The following IL17RE variants were observed in gnomAD, a reference collection of about 807,000 sequenced individuals.
The protein encoded by IL17RE is interleukin 17 receptor E.
A neutral mutation model predicts 70.7 loss-of-function variants in IL17RE; 47 were observed. The observed-to-expected ratio is 0.67, with a 90% CI of 0.53 to 0.85. IL17RE has a LOEUF of 0.85. IL17RE is among the 40% of genes least tolerant of loss of function. The pLI is 0.00. For synonymous variants in IL17RE, 372 were observed against 381.2 expected, an observed-to-expected ratio of 0.98 and a Z score of 0.28; for missense variants, 850 against 893.9, an observed-to-expected ratio of 0.95 and a Z score of 0.63.
chr3:9,903,453 A>G, intron 2 of IL17RE, 41 bp downstream of exon 2: 1 of 1,611,656 alleles, frequency 6.2e-7, no homozygotes, highest in Non-Finnish European at 8.5e-7. Context: ...CCCCACGCCC[A>G]CTATTTTTGC....
chr3:9,911,000 G>A lies in IL17RE; in HGVS notation c.938G>A (p.Cys313Tyr). 6.2e-7 allele frequency: 1 copy of A among 1,614,166 alleles called. No homozygotes were observed. The highest frequency in any genetic ancestry group is 1.1e-5 in the South Asian group (1 of 91,080). ...CAGAGGCACGACTGGCATACCCTTTGCAAAGACCTCCCGAATGCCACAGCT... is the reference window on the plus strand; with the variant it reads ...CAGAGGCACGACTGGCATACCCTTTACAAAGACCTCCCGAATGCCACAGCT... ...LCQRHDWHTL[C>Y]KDLPNATARE... is the part of the protein sequence containing the mutation. The change falls in exon 9 of 16, where the codon TGC becomes TAC. Residue 313 changes from cysteine (C) to tyrosine (Y), a missense_variant. Physicochemically the swap from Cys to Tyr is radical, Grantham distance 194 (BLOSUM62 -2). Coordinates refer to ENST00000383814, the MANE Select transcript of IL17RE (RefSeq NM_153480.2).
Position 9,914,699 on chromosome 3 carries a change from C to T in IL17RE, c.1369C>T (p.Leu457Phe), listed in dbSNP as rs1414339015. The T allele has an allele frequency of 1.2e-6, 2 of 1,614,162 alleles. No homozygotes were observed. The highest frequency in any genetic ancestry group is 1.7e-6 in the Non-Finnish European group (2 of 1,180,008). Residue 457 changes from leucine (L) to phenylalanine (F), a missense_variant, in exon 15 of 16, where the codon CTC becomes TTC. By Grantham distance (22) the Leu-to-Phe change is conservative. Transcript: ENST00000383814. ...CPDVSYRHLGLLILALLALLT... is the reference protein window; with the variant it reads ...CPDVSYRHLGFLILALLALLT... The stretch of plus-strand genomic sequence containing the variant: ...CTCAGTCTCTTACAGACACCTGGGG[C>T]TCTTGATCCTGGCACTGCTGGCCCT...
chr3:9,912,132 C>T (rs141461368), intron 12 of IL17RE, among the ~76,000 whole-genome samples: 346 of 152,258 alleles, frequency 2.3e-3, no homozygotes, highest in African/African-American at 6.3e-3. Flanking sequence ...CTTATAGGAG[C>T]GCAAACCCTA....
At chr3:9,903,164 G>A (rs1303218822) in intron 1 of IL17RE, 100 bp downstream of exon 1, 1 of 1,179,232 alleles carries the variant, frequency 8.5e-7, no homozygotes, top group Admixed American at 1.9e-5. Flanking sequence ...CCTGTGCTCT[G>A]GTGGCAGCTT....
Position 9,915,350 on chromosome 3 carries a change from T to TGGGCCCGTAGCTACA in IL17RE, c.1551_1552insCCGTAGCTACAGGGC (p.Gly517_Gly518insProTer), listed in dbSNP as rs763558756. The TGGGCCCGTAGCTACA allele has an allele frequency of 7.3e-7, 1 of 1,370,554 alleles. No individual in the cohort carries two copies. The highest frequency in any genetic ancestry group is 9.3e-7 in the Non-Finnish European group (1 of 1,071,204). 84.9% of individuals were successfully genotyped at this position (1,370,554 alleles called of 1,614,324 possible). On this transcript the variant is annotated stop_gained and inframe_insertion, in exon 16 of 16. Transcript: ENST00000383814. LOFTEE classifies it low-confidence loss of function (END_TRUNC). The surrounding 1 kb of genome is among the most constrained non-coding windows in gnomAD (Gnocchi z 4.9). ...CTGGCTGAACTGCTACGGGCAGCGC[T>TGGGCCCGTAGCTACA]GGGCGGCGGGCGCGACGTGATCGTG... is the stretch of plus-strand genomic sequence containing the variant.
chr3:9,902,717 G>T (rs950734214), upstream of IL17RE: 1 of 1,535,278 alleles, frequency 6.5e-7, no homozygotes, highest in Non-Finnish European at 8.7e-7. Flanking sequence ...GGTTTTTGGG[G>T]GCACAAGCTT....
chr3:9,904,713 G>A (rs2082712052), intron 3 of IL17RE, among the ~76,000 whole-genome samples: 1 of 152,124 alleles, frequency 6.6e-6, no homozygotes, highest in South Asian at 2.1e-4. Flanking sequence ...CTTGAACCCA[G>A]GAGGTGGAGG....
At chr3:9,903,100 G>GC (rs748225127) in intron 1 of IL17RE, 36 bp downstream of exon 1, 1 of 1,566,074 alleles carries the variant, frequency 6.4e-7, no homozygotes, top group Admixed American at 1.7e-5. Flanking sequence ...CACCTGCCTG[G>GC]CACAGCCATA....
At chr3:9,905,094 C>CAAAA (rs71626946) in intron 3 of IL17RE, among the ~76,000 whole-genome samples, 36 of 56,092 alleles carry the variant, frequency 6.4e-4, no homozygotes, top group African/African-American at 1.7e-3. Flanking sequence ...GACCCTGTCT[C>CAAAA]AAAAAAAAAA....
At chr3:9,906,622 G>A (rs2082763679) in intron 4 of IL17RE, 84 bp from the exon 5 acceptor site, 1 of 1,540,190 alleles carries the variant, frequency 6.5e-7, no homozygotes, top group African/African-American at 1.4e-5. Context: ...CAACTTGCCT[G>A]TAGTACCTCA....
At chr3:9,914,478 C>T (rs1390563473) in intron 13 of IL17RE, 70 bp from the exon 14 acceptor site, 2 of 1,599,244 alleles carry the variant, frequency 1.3e-6, no homozygotes, top group Admixed American at 3.5e-5. Flanking sequence ...CCCCCAGCTC[C>T]ATGCTTCACT....
chr3:9,906,419 A>G lies in IL17RE; in HGVS notation c.324A>G (p.Thr108=). Residue 108 remains threonine (T), a synonymous_variant, in exon 4 of 16, where the codon ACA becomes ACG. Transcript: ENST00000383814. ...TGCAGAAATCCAAAAAGTCTTCCAC[A>G]TTCAAGTTCTATAGGAGACACAAGA... ...LLVQKSKKSS[T]FKFYRRHKMP... 2 of 1,614,042 alleles carry G rather than the reference A, an allele frequency of 1.2e-6. No homozygotes were observed. The highest frequency in any genetic ancestry group is 3.3e-5 in the Admixed American group (2 of 60,012).
chr3:9,913,773 C>T (rs2082947208), intron 12 of IL17RE, among the ~76,000 whole-genome samples, 183 bp from the exon 13 acceptor site: 1 of 152,216 alleles, frequency 6.6e-6, no homozygotes, highest in Admixed American at 6.5e-5. Flanking sequence ...AGGAGCTGAG[C>T]TCTGGGAAAG....
At chr3:9,909,442 G>T (rs1046366670) in intron 8 of IL17RE, 159 bp downstream of exon 8, 4 of 667,448 alleles carry the variant, frequency 6.0e-6, no homozygotes, top group African/African-American at 1.8e-5. Context: ...TGGAGTCAGT[G>T]GGGGGAAAAG....
Position 9,915,566 on chromosome 3 carries a change from TG to T in IL17RE, c.1764del (p.Leu589CysfsTer62). On this transcript the variant is annotated frameshift_variant, in exon 16 of 16. Transcript: ENST00000383814. LOFTEE classifies it low-confidence loss of function (END_TRUNC). This position sits in a 1 kb window ranked among gnomAD's most constrained non-coding sequence, Gnocchi z 4.9. ...LALLHAAPRPLLLLAYFSRLC... is the reference protein window; with the variant it reads ...LALLHAAPRPXLLLAYFSRLC... ...CTGCTCCACGCTGCCCCGCGCCCGC[TG>T]CTGCTGCTCGCTTACTTCAGTCGCC... The T allele has an allele frequency of 7.1e-7, 1 of 1,412,818 alleles. No homozygotes were observed. 87.5% of individuals were successfully genotyped at this position (1,412,818 alleles called of 1,614,324 possible).
intron 13 of IL17RE, 99 bp from the exon 14 acceptor site, chr3:9,914,449 C>A (rs1201303965): frequency 1.9e-6 from 3 of 1,561,386 alleles, no homozygotes; most frequent in Non-Finnish European, 2.6e-6. Flanking sequence ...AATTCCCTAG[C>A]CAGTGGGGAC....
chr3:9,905,094 CAAAAAAAAAAAAA>C (rs71626946), intron 3 of IL17RE, among the ~76,000 whole-genome samples: 2 of 56,162 alleles, frequency 3.6e-5, no homozygotes, highest in African/African-American at 7.1e-5. Flanking sequence ...GACCCTGTCT[CAAAAAAAAAAAAA>C]AAAAAAAAAA....
intron 6 of IL17RE, among the ~76,000 whole-genome samples, chr3:9,907,763 T>C (rs1034431789): frequency 2.0e-5 from 3 of 152,000 alleles, no homozygotes; most frequent in African/African-American, 7.2e-5. Flanking sequence ...ACTCAGAGAG[T>C]GATATGTCTC....
intron 2 of IL17RE, 57 bp downstream of exon 2, chr3:9,903,469 C>T: frequency 3.2e-6 from 5 of 1,570,074 alleles, no homozygotes; most frequent in Non-Finnish European, 4.4e-6. Context: ...TTTGCAGATG[C>T]CTAGCAAGCC....
Sources: allele counts gnomAD v4.1 joint callset (sites outside exome capture counted in the v4.1 genomes callset), GRCh38; gene constraint gnomAD v4.1.1; non-coding constraint Gnocchi (gnomAD v3.1); transcripts MANE v1.5; gene names NCBI Gene and HGNC (gene_info 2026-07-23, HGNC 2026-07-21).